Variants in MPP2 observed in about 807,000 individuals in gnomAD.
MPP2 encodes the protein MAGUK p55 subfamily member 2.
A neutral mutation model predicts 58.5 loss-of-function variants in MPP2; 42 were observed. That is an observed-to-expected ratio of 0.72 (90% CI 0.56 to 0.93). The LOEUF (loss-of-function observed/expected upper bound fraction) is 0.93, where lower values mean the gene tolerates loss of function less well. Among genes scored for constraint, MPP2 ranks in the 40% least tolerant of loss-of-function variants. The pLI, the probability that MPP2 is intolerant of heterozygous loss-of-function variation, is 0.00. For synonymous variants in MPP2, 300 were observed against 307.8 expected, an observed-to-expected ratio of 0.97 and a Z score of 0.26; for missense variants, 632 against 760.4, an observed-to-expected ratio of 0.83 and a Z score of 1.99.
chr17:43,883,497 CAT>C, intron 3 of MPP2, 142 bp from the exon 4 acceptor site: 1 of 848,820 alleles, frequency 1.2e-6, no homozygotes, highest in Non-Finnish European at 1.8e-6. Flanking sequence ...CACTGACAAT[CAT>C]ACCCACACGT....
At chr17:43,891,740 T>C (rs2047616866) in intron 3 of MPP2, among the ~76,000 whole-genome samples, 1 of 152,154 alleles carries the variant, frequency 6.6e-6, no homozygotes, top group African/African-American at 2.4e-5. Context: ...TCTTTTAAAA[T>C]AAATACATAA....
Position 43,879,499 on chromosome 17 carries a change from T to C in MPP2, c.1354-96A>G. On this transcript the variant is annotated intron_variant, in intron 11 of 12. Transcript: ENST00000269095. The surrounding 1 kb of genome is among the most constrained non-coding windows in gnomAD (Gnocchi z 4.1). ...GGGTAACTGGGGTTGGGGTGAGCAC[T>C]TGGGAGTGGATGAGAAAAGGGTGCC... 2 of 1,503,946 alleles carry C rather than the reference T, an allele frequency of 1.3e-6. No individual in the cohort carries two copies. The highest frequency in any genetic ancestry group is 1.8e-6 in the Non-Finnish European group (2 of 1,095,938). 93.2% of individuals were successfully genotyped at this position (1,503,946 alleles called of 1,614,324 possible). A position where few individuals can be genotyped will look rare whatever the true frequency, so the allele number is the denominator to read the frequency against.
chr17:43,880,589 TG>T lies in MPP2; in HGVS notation c.1150+101del. 1 of 1,372,210 alleles carries T rather than the reference TG, an allele frequency of 7.3e-7. No individual in the cohort carries two copies. Among genetic ancestry groups the T allele is most frequent in the Non-Finnish European group, 9.8e-7 (1 of 1,019,168 alleles). 85.0% of individuals were successfully genotyped at this position (1,372,210 alleles called of 1,614,324 possible). On this transcript the variant is annotated intron_variant, in intron 10 of 12. Coordinates refer to ENST00000269095, the MANE Select transcript of MPP2 (RefSeq NM_005374.5). The surrounding 1 kb of genome is among the most constrained non-coding windows in gnomAD (Gnocchi z 5.2). ...AACCCGTGTACCCAAAGGTACCACCTGGCCTGGTGCCCATGAAGATGCCCAT... is the reference window on the plus strand; with the variant it reads ...AACCCGTGTACCCAAAGGTACCACCTGCCTGGTGCCCATGAAGATGCCCAT...
chr17:43,892,540 G>A (rs777583548), intron 3 of MPP2, among the ~76,000 whole-genome samples: 7 of 152,096 alleles, frequency 4.6e-5, no homozygotes, highest in Non-Finnish European at 1.0e-4. Flanking sequence ...AGAAATGAAT[G>A]GCTTTTTTTT....
Position 43,879,899 on chromosome 17 carries a change from A to G in MPP2, c.1236T>C (p.Arg412=), listed in dbSNP as rs1037625710. Residue 412 remains arginine (R), a synonymous_variant, in exon 11 of 13, where the codon CGT becomes CGC. Coordinates refer to ENST00000269095, the MANE Select transcript of MPP2 (RefSeq NM_005374.5). The surrounding 1 kb of genome is among the most constrained non-coding windows in gnomAD (Gnocchi z 4.1). Reference sequence around the variant, plus strand: ...CGCCATGCTCCAGGTAGCGCCCAGCACGGACGTCAGCCTCCATCTCCCCAC... The same window carrying G: ...CGCCATGCTCCAGGTAGCGCCCAGCGCGGACGTCAGCCTCCATCTCCCCAC... The part of the protein sequence containing the change: ...VSRGEMEADV[R]AGRYLEHGEY... The G allele has an allele frequency of 6.2e-7, 1 of 1,613,928 alleles. No individual in the cohort carries two copies.
intron 2 of MPP2, among the ~76,000 whole-genome samples, chr17:43,901,776 T>C (rs957318642): frequency 1.3e-5 from 2 of 152,182 alleles, no homozygotes; most frequent in Non-Finnish European, 2.9e-5. Flanking sequence ...CTCAGCCCAG[T>C]GCCACTGTCC....
intron 2 of MPP2, chr17:43,900,652 G>A (rs2048057345): frequency 7.7e-6 from 11 of 1,431,068 alleles, no homozygotes; most frequent in Non-Finnish European, 1.0e-5. Context: ...CGGGAGTCGA[G>A]GAGCGCCCTC....
In MPP2 at chr17:43,876,759, T is replaced by C. The variant is rs1344059168; in HGVS notation, c.*1048A>G. The C allele has an allele frequency of 6.6e-6, 1 of 152,304 alleles. No homozygotes were observed. The highest frequency in any genetic ancestry group is 1.5e-5 in the Non-Finnish European group (1 of 68,112). The allele number at this position is 152,304 out of a possible 1,614,324, so 9.4% of individuals were successfully genotyped here. A position where few individuals can be genotyped will look rare whatever the true frequency, so the allele number is the denominator to read the frequency against. Reference sequence around the variant, plus strand: ...CAGGTTGTACAGACTACAGTGTAAATGGCGCCTCTGGAGTTGTGTGTGAGG... The same window carrying C: ...CAGGTTGTACAGACTACAGTGTAAACGGCGCCTCTGGAGTTGTGTGTGAGG... On this transcript the variant is annotated 3_prime_UTR_variant, in exon 13 of 13. Coordinates refer to ENST00000269095, the MANE Select transcript of MPP2 (RefSeq NM_005374.5).
intron 1 of MPP2, among the ~76,000 whole-genome samples, chr17:43,906,709 C>G (rs542784749): frequency 6.6e-6 from 1 of 152,134 alleles, no homozygotes; most frequent in African/African-American, 2.4e-5. Flanking sequence ...CCAACGGACC[C>G]AGCCCTAACA....
intron 2 of MPP2, among the ~76,000 whole-genome samples, chr17:43,902,393 G>C (rs2048128999): frequency 6.6e-6 from 1 of 152,194 alleles, no homozygotes; most frequent in Non-Finnish European, 1.5e-5. Context: ...TTACTGGGCA[G>C]TCCCGGCTGG....
chr17:43,879,948 C>A lies in MPP2; in HGVS notation c.1187G>T (p.Gly396Val). The stretch of plus-strand genomic sequence containing the variant: ...ACGGGACACAAAGCTGTAACCCTGA[C>A]CTTCCCGCTCTGAGTCTTTCGGCCG... Reference protein sequence around the residue: ...SRRPKDSEREGQGYSFVSRGE... With the variant: ...SRRPKDSEREVQGYSFVSRGE... Residue 396 changes from glycine to valine, a missense_variant, in exon 11 of 13, where the codon GGT (glycine) becomes GTT (valine). Physicochemically the swap from Gly to Val is moderately radical, Grantham distance 109. Transcript: ENST00000269095. The surrounding 1 kb of genome is among the most constrained non-coding windows in gnomAD (Gnocchi z 4.1). 1 of 1,614,118 alleles carries A rather than the reference C, an allele frequency of 6.2e-7. No individual in the cohort carries two copies. Among genetic ancestry groups the A allele is most frequent in the Non-Finnish European group, 8.5e-7 (1 of 1,180,010 alleles).
chr17:43,884,004 C>T (rs2047259407), intron 3 of MPP2: 1 of 669,436 alleles, frequency 1.5e-6, no homozygotes, highest in Admixed American at 2.2e-5. Flanking sequence ...AAAAGAATTC[C>T]ATTTCAATAA....
intron 2 of MPP2, chr17:43,900,372 C>CT (rs2048036911): frequency 7.1e-7 from 1 of 1,412,424 alleles, no homozygotes; most frequent in Non-Finnish European, 9.6e-7. Context: ...CCTCAGATGA[C>CT]CTCTCCCAGG....
intron 2 of MPP2, chr17:43,901,662 C>T: frequency 1.2e-6 from 1 of 863,192 alleles, no homozygotes; most frequent in African/African-American, 1.8e-5. Context: ...CTGAAAGCAG[C>T]CACATATCCC....
At position 43,879,279 on chromosome 17, in the gene MPP2, A is replaced by T; in HGVS notation, c.1478T>A (p.Leu493His). 1 of 1,611,210 alleles carries T rather than the reference A, an allele frequency of 6.2e-7. No individual in the cohort carries two copies. Among genetic ancestry groups the T allele is most frequent in the Non-Finnish European group, 8.5e-7 (1 of 1,177,764 alleles). The change falls in exon 12 of 13, where the codon CTC (leucine) becomes CAC (histidine). Residue 493 changes from leucine (L) to histidine (H), a missense_variant. Coordinates refer to ENST00000269095, the MANE Select transcript of MPP2 (RefSeq NM_005374.5). The surrounding 1 kb of genome is among the most constrained non-coding windows in gnomAD (Gnocchi z 4.1). The part of the protein sequence containing the change: ...ALESGISTKQ[L>H]TEADLRRTVE... ...CCCACACCTCAGAGCCCTCACCGTG[A>T]GCTGCTTGGTGGATATTCCACTCTC...
chr17:43,895,561 G>A (rs950737637), intron 3 of MPP2, among the ~76,000 whole-genome samples: 2 of 152,156 alleles, frequency 1.3e-5, no homozygotes, highest in Non-Finnish European at 2.9e-5. Context: ...CACCTACTAT[G>A]TGTCAGGCAT....
intron 2 of MPP2, 52 bp from the exon 3 acceptor site, chr17:43,898,432 G>T: frequency 7.6e-7 from 1 of 1,315,736 alleles, no homozygotes; most frequent in Non-Finnish European, 1.1e-6. Flanking sequence ...GGGTACAGAA[G>T]ACCAAAACAC....
At chr17:43,891,715 G>A (rs2047615625) in intron 3 of MPP2, among the ~76,000 whole-genome samples, 2 of 152,148 alleles carry the variant, frequency 1.3e-5, no homozygotes, top group Non-Finnish European at 2.9e-5. Flanking sequence ...GGGCAACACG[G>A]TGAGACCTCA....
chr17:43,902,267 C>T (rs963865172), intron 2 of MPP2, among the ~76,000 whole-genome samples: 6 of 152,270 alleles, frequency 3.9e-5, no homozygotes, highest in African/African-American at 1.4e-4. Context: ...CCCAAGGCTC[C>T]ACTCCCTGTC....
Sources: allele counts gnomAD v4.1 joint callset (sites outside exome capture counted in the v4.1 genomes callset), GRCh38; gene constraint gnomAD v4.1.1; non-coding constraint Gnocchi (gnomAD v3.1); transcripts MANE v1.5; gene names NCBI Gene and HGNC (gene_info 2026-07-23, HGNC 2026-07-21).